TDRP: variants seen among roughly 807,000 people sequenced by gnomAD.
TDRP encodes testis development-related protein.
TDRP carries 12 observed loss-of-function variants against 10.5 expected under a neutral mutation model. That is an observed-to-expected ratio of 1.15 (90% CI 0.73 to 1.86). TDRP has a LOEUF of 1.86. Ranked by LOEUF, TDRP falls within the 40% of genes most tolerant of loss-of-function variation. TDRP has a pLI of 0.00. For missense variants in TDRP, 353 were observed against 229.2 expected (o/e 1.54, Z -3.49); for synonymous variants, 139 against 95.4 (o/e 1.46, Z -2.67).
intron 1 of TDRP, among the ~76,000 whole-genome samples, chr8:543,935 G>A (rs1053776955): frequency 2.2e-5 from 3 of 135,862 alleles, no homozygotes; most frequent in Non-Finnish European, 3.2e-5. Flanking sequence ...GGAGGGGGGG[G>A]GAGGGGGTGG....
chr8:493,993 G>GTTTTTTTTTTT (rs68057437), intron 2 of TDRP, among the ~76,000 whole-genome samples: 2 of 106,528 alleles, frequency 1.9e-5, no homozygotes, highest in African/African-American at 3.6e-5. Flanking sequence ...CATTTCTGTT[G>GTTTTTTTTTTT]TTTTTTTTTT....
rs534115599 is a variant in TDRP at position 504,922 on chromosome 8, T to G, written c.109-10325A>C. Among the ~76,000 whole-genome samples, 45 of 152,270 alleles carry G rather than the reference T, an allele frequency of 3.0e-4. 2 individuals are homozygous for G. The South Asian group carries it at 9.1e-3, about 31-fold the overall frequency. On this transcript the variant is annotated intron_variant, in intron 1 of 2. Coordinates refer to ENST00000324079, the MANE Select transcript of TDRP (RefSeq NM_001384899.1). ...CTGAAAAACTTCTACCTATGTCCTT[T>G]TTAAGATACATATTTGGAAAGATTT...
intron 1 of TDRP, among the ~76,000 whole-genome samples, chr8:516,483 G>T (rs1166665129): frequency 6.6e-6 from 1 of 152,150 alleles, no homozygotes; most frequent in African/African-American, 2.4e-5. Flanking sequence ...AAGACATGGA[G>T]ATGGTAAATA....
chr8:530,530 G>A (rs1365385346), intron 1 of TDRP, among the ~76,000 whole-genome samples: 3 of 152,116 alleles, frequency 2.0e-5, no homozygotes, highest in Admixed American at 6.5e-5. Flanking sequence ...CTCAGCTAGA[G>A]ATTCTGGGGC....
chr8:525,740 C>T lies in TDRP; in HGVS notation c.108+18910G>A, dbSNP rs185824444. On this transcript the variant is annotated intron_variant, in intron 1 of 2. Transcript: ENST00000324079. ...AAAACATACCACAAGAGAAAATCACCGACGGGAAGGAAGGAAAGAAGAAAA... is the reference window on the plus strand; with the variant it reads ...AAAACATACCACAAGAGAAAATCACTGACGGGAAGGAAGGAAAGAAGAAAA... Among the ~76,000 whole-genome samples, 7 of 151,900 alleles carry T rather than the reference C, an allele frequency of 4.6e-5. No individual in the cohort carries two copies. In the East Asian group the frequency reaches 5.8e-4, roughly 13 times the overall value.
intron 1 of TDRP, among the ~76,000 whole-genome samples, chr8:520,559 C>T (rs896493471): frequency 2.6e-5 from 4 of 152,184 alleles, no homozygotes; most frequent in African/African-American, 7.2e-5. Flanking sequence ...TACAAGATTG[C>T]CAACAGTGCA....
chr8:509,128 G>T (rs1801543131), intron 1 of TDRP, among the ~76,000 whole-genome samples: 1 of 152,210 alleles, frequency 6.6e-6, no homozygotes, highest in Non-Finnish European at 1.5e-5. Flanking sequence ...GCAGGGTATG[G>T]CCCCCTGGCG....
At chr8:521,958 T>C (rs1801916816) in intron 1 of TDRP, among the ~76,000 whole-genome samples, 2 of 152,210 alleles carry the variant, frequency 1.3e-5, no homozygotes, top group South Asian at 4.1e-4. Context: ...GTACCTTTTT[T>C]CTTGATGCTA....
chr8:510,444 T>C (rs1033423368), intron 1 of TDRP, among the ~76,000 whole-genome samples: 1 of 152,156 alleles, frequency 6.6e-6, no homozygotes, highest in East Asian at 1.9e-4. Context: ...ATCTTTATTA[T>C]ACCAACCAAA....
intron 1 of TDRP, among the ~76,000 whole-genome samples, chr8:516,111 A>G (rs184204471): frequency 3.9e-5 from 6 of 152,318 alleles, no homozygotes; most frequent in East Asian, 3.9e-4. Flanking sequence ...AAAAAAATAT[A>G]TAATTTATCC....
At chr8:530,171 T>A (rs1456435009) in intron 1 of TDRP, among the ~76,000 whole-genome samples, 1 of 152,010 alleles carries the variant, frequency 6.6e-6, no homozygotes, top group East Asian at 1.9e-4. Context: ...CAGTTATTTC[T>A]CAGATGCAGA....
In TDRP at chr8:492,138, C is replaced by T. The variant is rs1173909623; in HGVS notation, c.*261G>A. On this transcript the variant is annotated 3_prime_UTR_variant, in exon 3 of 3. Transcript: ENST00000324079. ...GTATTATGGGAGAGCATCATAAATT[C>T]ACATCTCCAGTTTCTGCAAAACATG... 8.0e-7 allele frequency: 1 copy of T among 1,243,570 alleles called. No individual in the cohort carries two copies. Among genetic ancestry groups the T allele is most frequent in the African/African-American group, 1.5e-5 (1 of 64,684 alleles). 77.0% of individuals were successfully genotyped at this position (1,243,570 alleles called of 1,614,324 possible).
At chr8:545,416 C>T (rs535613290), upstream of TDRP, among the ~76,000 whole-genome samples, 17 of 148,806 alleles carry the variant, frequency 1.1e-4, no homozygotes, top group African/African-American at 4.0e-4. Flanking sequence ...CCTTCTCCCC[C>T]GCCGACCCCC....
chr8:519,458 C>T (rs1381887858), intron 1 of TDRP, among the ~76,000 whole-genome samples: 2 of 152,112 alleles, frequency 1.3e-5, no homozygotes, highest in African/African-American at 2.4e-5. Flanking sequence ...ACTCTACCAT[C>T]TTAACTACCT....
At chr8:497,527 T>A (rs1801169399) in intron 1 of TDRP, among the ~76,000 whole-genome samples, 1 of 152,072 alleles carries the variant, frequency 6.6e-6, no homozygotes, top group South Asian at 2.1e-4. Context: ...TGGTCTGAAA[T>A]TGGAACTTAT....
intron 1 of TDRP, among the ~76,000 whole-genome samples, chr8:544,030 C>T (rs189017393): frequency 2.2e-3 from 337 of 152,302 alleles, no homozygotes; most frequent in African/African-American, 7.1e-3. Context: ...TATCTCTACA[C>T]TCGTCAGGTA....
chr8:494,990 A>G, intron 1 of TDRP: 7 of 159,540 alleles, frequency 4.4e-5, no homozygotes, highest in South Asian at 1.8e-4. Flanking sequence ...CCAGCACTTT[A>G]GGAAGCCAAG....
At chr8:503,838 G>T (rs1801378957) in intron 1 of TDRP, among the ~76,000 whole-genome samples, 2 of 147,088 alleles carry the variant, frequency 1.4e-5, no homozygotes. Context: ...GCCACACACT[G>T]GAACCAATGC....
rs369739172 is a variant in TDRP at position 542,536 on chromosome 8, GT to G, written c.108+2113del. 9.9e-3 allele frequency among the ~76,000 whole-genome samples: 1,512 copies of G among 152,162 alleles called. 20 individuals carry two copies. Among genetic ancestry groups the G allele is most frequent in the African/African-American group, 0.034 (1,403 of 41,502 alleles). On this transcript the variant is annotated intron_variant, in intron 1 of 2. Coordinates refer to ENST00000324079, the MANE Select transcript of TDRP (RefSeq NM_001384899.1). ...TACCTGAAAAATAGAGTCTATTAAA[GT>G]TTTTTCCCCCCAAAACCAACACACA...
Sources: allele counts gnomAD v4.1 joint callset (sites outside exome capture counted in the v4.1 genomes callset), GRCh38; gene constraint gnomAD v4.1.1; transcripts MANE v1.5; gene names NCBI Gene and HGNC (gene_info 2026-07-23, HGNC 2026-07-21).